The following CSNK1D variants were observed in gnomAD, a reference collection of about 807,000 sequenced individuals.
CSNK1D encodes casein kinase I isoform delta.
Under a neutral mutation model 46.6 loss-of-function variants are expected in CSNK1D, and 16 were observed. The observed-to-expected ratio is 0.34, with a 90% CI of 0.23 to 0.52. CSNK1D has a LOEUF of 0.52. Among genes scored for constraint, CSNK1D ranks in the 20% least tolerant of loss-of-function variants. The pLI, the probability that CSNK1D is intolerant of heterozygous loss-of-function variation, is 0.95. For missense variants in CSNK1D, 398 were observed against 578.4 expected (o/e 0.69, Z 3.20); for synonymous variants, 276 against 228.2 (o/e 1.21, Z -1.89).
chr17:82,251,676 C>T lies in CSNK1D; in HGVS notation c.737-149G>A. The T allele has an allele frequency of 1.2e-6, 1 of 866,282 alleles. No homozygotes were observed. Among genetic ancestry groups the T allele is most frequent in the African/African-American group, 1.7e-5 (1 of 60,224 alleles). The allele number at this position is 866,282 out of a possible 1,614,324, so 53.7% of individuals were successfully genotyped here. ...CCTGTCAGATTTCTAAGACCTGAAGCCTTGAGAAAGCATCGAAAAGTATTC... is the reference window on the plus strand; with the variant it reads ...CCTGTCAGATTTCTAAGACCTGAAGTCTTGAGAAAGCATCGAAAAGTATTC... On this transcript the variant is annotated intron_variant, in intron 5 of 8. Coordinates refer to ENST00000314028, the MANE Select transcript of CSNK1D (RefSeq NM_001893.6). This position sits in a 1 kb window ranked among gnomAD's most constrained non-coding sequence, Gnocchi z 4.5.
At chr17:82,241,255 G>A (rs113161714), downstream of CSNK1D, among the ~76,000 whole-genome samples, 3 of 152,088 alleles carry the variant, frequency 2.0e-5, no homozygotes, top group South Asian at 4.1e-4. Context: ...CCTGTGCCGG[G>A]GGAGGTGGCG....
At chr17:82,240,641 A>C (rs1438601786), downstream of CSNK1D, among the ~76,000 whole-genome samples, 1 of 151,968 alleles carries the variant, frequency 6.6e-6, no homozygotes, top group Non-Finnish European at 1.5e-5. Flanking sequence ...CGTCTGCCCC[A>C]CTCTGGTCCC....
At chr17:82,246,085 C>T (rs1322775064) in intron 8 of CSNK1D, 2 of 1,580,372 alleles carry the variant, frequency 1.3e-6, no homozygotes, top group Non-Finnish European at 1.7e-6. Flanking sequence ...CCGCTGGCCC[C>T]CTGACTACCT....
rs1270853648 is a variant in CSNK1D, at chr17:82,243,934, GCT to G, written c.*845_*846del. The stretch of plus-strand genomic sequence containing the variant: ...AGGGTCTCAAAGCCTCTGCTTCCAA[GCT>G]CTCAGCTGCCTGCCCACCTCCTGGG... On this transcript the variant is annotated 3_prime_UTR_variant, in exon 9 of 9. Transcript: ENST00000314028. The G allele has an allele frequency of 5.1e-6, 5 of 985,862 alleles. No individual in the cohort carries two copies. In the African/African-American group the frequency reaches 8.7e-5, roughly 17 times the overall value. 61.1% of individuals were successfully genotyped at this position (985,862 alleles called of 1,614,324 possible). A position where few individuals can be genotyped will look rare whatever the true frequency, so the allele number is the denominator to read the frequency against.
At position 82,244,207 on chromosome 17, in the gene CSNK1D, A is replaced by G. The variant is rs2050793303; in HGVS notation, c.*574T>C. On this transcript the variant is annotated 3_prime_UTR_variant, in exon 9 of 9. Coordinates refer to ENST00000314028, the MANE Select transcript of CSNK1D (RefSeq NM_001893.6). ...AAAGCGGACAATAAAACACTGCAAA[A>G]CAAACACAGCACACACCCTTGAGAT... The G allele has an allele frequency of 9.8e-7, 1 of 1,024,906 alleles. No homozygotes were observed. Among genetic ancestry groups the G allele is most frequent in the Non-Finnish European group, 1.2e-6 (1 of 851,914 alleles). The allele number at this position is 1,024,906 out of a possible 1,614,324, so 63.5% of individuals were successfully genotyped here.
chr17:82,272,441 C>A, intron 1 of CSNK1D: 1 of 152,246 alleles, frequency 6.6e-6, no homozygotes, highest in East Asian at 1.9e-4. Context: ...TATGACACAA[C>A]CCAAAACCTT....
At chr17:82,269,789 C>T (rs945358700) in intron 1 of CSNK1D, among the ~76,000 whole-genome samples, 2 of 152,270 alleles carry the variant, frequency 1.3e-5, no homozygotes, top group South Asian at 2.1e-4. Context: ...GTGAACACAG[C>T]AGGCCTCTCC....
chr17:82,266,110 C>A (rs1428841482), intron 1 of CSNK1D, among the ~76,000 whole-genome samples: 1 of 152,226 alleles, frequency 6.6e-6, no homozygotes, highest in African/African-American at 2.4e-5. Context: ...CTCCCATCAG[C>A]CCTGCCCAAG....
intron 2 of CSNK1D, among the ~76,000 whole-genome samples, chr17:82,259,930 CTGACTGATGGTGTACTGACTGATA>C (rs1313880987): frequency 1.2e-3 from 189 of 151,258 alleles, no homozygotes; most frequent in Non-Finnish European, 1.2e-3. Context: ...TGATGGTGTA[CTGACTGATGGTGTACTGACTGATA>C]TGACTGATGG....
intron 2 of CSNK1D, among the ~76,000 whole-genome samples, chr17:82,264,082 A>G (rs1315502320): frequency 6.6e-6 from 1 of 152,262 alleles, no homozygotes; most frequent in Non-Finnish European, 1.5e-5. Context: ...TTCTTGTAGT[A>G]GCACAGATTA....
rs976123964 is a variant in CSNK1D at position 82,249,126 on chromosome 17, G to A, written c.1058-112C>T. ...GACCCTGGGCTGCCTGGACAGTCAG[G>A]ACCTGGCTGTGGCCGATGGCCACCA... On this transcript the variant is annotated intron_variant, in intron 7 of 8. Coordinates refer to ENST00000314028, the MANE Select transcript of CSNK1D (RefSeq NM_001893.6). This position sits in a 1 kb window ranked among gnomAD's most constrained non-coding sequence, Gnocchi z 6.7. 2 of 1,346,012 alleles carry A rather than the reference G, an allele frequency of 1.5e-6. No homozygotes were observed. Among genetic ancestry groups the A allele is most frequent in the Admixed American group, 4.4e-5 (2 of 45,436 alleles). The allele number at this position is 1,346,012 out of a possible 1,614,324, so 83.4% of individuals were successfully genotyped here.
intron 2 of CSNK1D, among the ~76,000 whole-genome samples, chr17:82,261,335 C>T (rs1338602941): frequency 3.9e-5 from 6 of 152,072 alleles, no homozygotes; most frequent in South Asian, 2.1e-4. Context: ...CGGTGGGAAG[C>T]GGCCACTCAT....
intron 1 of CSNK1D, 125 bp from the exon 2 acceptor site, chr17:82,265,921 C>A: frequency 1.2e-6 from 1 of 822,032 alleles, no homozygotes; most frequent in Non-Finnish European, 2.1e-6. Flanking sequence ...TGTTCTCCTT[C>A]CTAGCATAGT....
chr17:82,263,112 G>A lies in CSNK1D; in HGVS notation c.187+2574C>T, dbSNP rs901635274. Among the ~76,000 whole-genome samples the A allele has an allele frequency of 5.9e-5, 9 of 152,258 alleles. No homozygotes were observed. The South Asian group carries it at 1.4e-3, about 25-fold the overall frequency. On this transcript the variant is annotated intron_variant, in intron 2 of 8. Coordinates refer to ENST00000314028, the MANE Select transcript of CSNK1D (RefSeq NM_001893.6). ...GGAGAATGGCCTGAACCCAGGAGGC[G>A]GAGGTTGCAGTGGGCCAAGATTGCG... is the stretch of plus-strand genomic sequence containing the variant.
chr17:82,250,702 C>G lies in CSNK1D; in HGVS notation c.885+677G>C, dbSNP rs1039221995. The stretch of plus-strand genomic sequence containing the variant: ...ACTGGACAAGGCTGCCGTTTTTGTA[C>G]CCTCCCAAGAGGCAGTTCTGCTCCT... On this transcript the variant is annotated intron_variant, in intron 6 of 8. Coordinates refer to ENST00000314028, the MANE Select transcript of CSNK1D (RefSeq NM_001893.6). This position sits in a 1 kb window ranked among gnomAD's most constrained non-coding sequence, Gnocchi z 4.6. 3 of 166,714 alleles carry G rather than the reference C, an allele frequency of 1.8e-5. No homozygotes were observed. Among genetic ancestry groups the G allele is most frequent in the African/African-American group, 7.2e-5 (3 of 41,618 alleles). The allele number at this position is 166,714 out of a possible 1,614,324, so 10.3% of individuals were successfully genotyped here. A position where few individuals can be genotyped will look rare whatever the true frequency, so the allele number is the denominator to read the frequency against.
At chr17:82,258,859 G>C (rs1568573050) in intron 2 of CSNK1D, among the ~76,000 whole-genome samples, 1 of 152,204 alleles carries the variant, frequency 6.6e-6, no homozygotes, top group Non-Finnish European at 1.5e-5. Flanking sequence ...CTCCTTCTAA[G>C]CCCTTCTCGT....
intron 2 of CSNK1D, among the ~76,000 whole-genome samples, chr17:82,256,308 C>T (rs746731116): frequency 1.3e-5 from 2 of 152,046 alleles, no homozygotes; most frequent in Admixed American, 6.6e-5. Context: ...CTCAGAAGTT[C>T]GAGACCAGCC....
intron 2 of CSNK1D, among the ~76,000 whole-genome samples, chr17:82,257,913 CCGTCGAAA>C (rs1162395524): frequency 1.2e-4 from 18 of 152,148 alleles, no homozygotes; most frequent in Non-Finnish European, 2.4e-4. Flanking sequence ...CTGTATTCCA[CCGTCGAAA>C]AGTTTTTTAA....
intron 2 of CSNK1D, among the ~76,000 whole-genome samples, chr17:82,262,790 C>G (rs948119852): frequency 6.6e-6 from 1 of 152,242 alleles, no homozygotes; most frequent in Non-Finnish European, 1.5e-5. Flanking sequence ...GTCAACTCCC[C>G]GGTTTAGTCT....
Sources: gnomAD v4.1 joint callset for allele counts (sites outside exome capture counted in the v4.1 genomes callset) on GRCh38, gnomAD v4.1.1 for gene constraint, Gnocchi (gnomAD v3.1) non-coding constraint, MANE v1.5 for transcripts, NCBI Gene and HGNC (gene_info 2026-07-23, HGNC 2026-07-21) for gene names.